The following CNBD2 variants were observed in gnomAD, a reference collection of about 807,000 sequenced individuals.
CNBD2 encodes cyclic nucleotide-binding domain-containing protein 2.
In CNBD2, 64 loss-of-function variants were observed where a neutral mutation model predicts 63.7. The observed-to-expected ratio is 1.00, with a 90% confidence interval of 0.82 to 1.24. The LOEUF (loss-of-function observed/expected upper bound fraction) is 1.24. Ranked by LOEUF, CNBD2 falls within the 50% of genes most tolerant of loss-of-function variation. CNBD2 has a pLI of 0.00. For missense variants in CNBD2, 691 were observed against 713.5 expected (o/e 0.97, Z 0.36); for synonymous variants, 229 against 255.4 (o/e 0.90, Z 0.99).
In CNBD2 at chr20:35,980,668, G is replaced by C. The variant is rs749629436; in HGVS notation, c.407+46G>C. ...TTGGCCACCAGGCTGAGGCTGGACT[G>C]AGCAAAAGAGCCTGGCTGAGAAGGT... On this transcript the variant is annotated intron_variant, in intron 4 of 11. Coordinates refer to ENST00000373973, the MANE Select transcript of CNBD2 (RefSeq NM_001365709.1). The C allele has an allele frequency of 7.6e-6, 12 of 1,580,686 alleles. No homozygotes were observed. In the East Asian group the frequency reaches 2.7e-4, roughly 35 times the overall value.
intron 8 of CNBD2, among the ~76,000 whole-genome samples, chr20:35,996,592 C>T (rs894374900): frequency 4.0e-5 from 6 of 151,162 alleles, no homozygotes; most frequent in Middle Eastern, 3.4e-3. Context: ...ACTGCAACCT[C>T]TGCCTCCCAG....
Position 36,011,126 on chromosome 20 carries a change from T to C in CNBD2, c.1149-11T>C. 3 of 1,524,010 alleles carry C rather than the reference T, an allele frequency of 2.0e-6. No homozygotes were observed. The highest frequency in any genetic ancestry group is 2.7e-6 in the Non-Finnish European group (3 of 1,131,350). 94.4% of individuals were successfully genotyped at this position (1,524,010 alleles called of 1,614,324 possible). On this transcript the variant is annotated splice_polypyrimidine_tract_variant and intron_variant, in intron 9 of 11. Transcript: ENST00000373973. ...TACAGATGAGCTCTCTAACAAGCTGTCACATTTCAGATCCAGGCCTGCTCA... is the reference window on the plus strand; with the variant it reads ...TACAGATGAGCTCTCTAACAAGCTGCCACATTTCAGATCCAGGCCTGCTCA...
Position 35,968,703 on chromosome 20 carries a change from T to C in CNBD2, c.-60T>C. 1.4e-6 allele frequency: 2 copies of C among 1,403,896 alleles called. No homozygotes were observed. Among genetic ancestry groups the C allele is most frequent in the East Asian group, 4.7e-5 (2 of 42,886 alleles). The allele number at this position is 1,403,896 out of a possible 1,614,324, so 87.0% of individuals were successfully genotyped here. ...TATTACTGGATTTTTGGGGAAAAAT[T>C]TGTAGTCCTCCCCTTGAAAGGCAAA... On this transcript the variant is annotated 5_prime_UTR_variant, in exon 1 of 12. Coordinates refer to ENST00000373973, the MANE Select transcript of CNBD2 (RefSeq NM_001365709.1).
At chr20:36,017,473 G>A (rs549864631) in intron 10 of CNBD2, among the ~76,000 whole-genome samples, 1 of 152,130 alleles carries the variant, frequency 6.6e-6, no homozygotes, top group Non-Finnish European at 1.5e-5. Context: ...AGTACTGTCT[G>A]GGAGGTCCAG....
chr20:35,986,433 T>C (rs2056668494), intron 6 of CNBD2, among the ~76,000 whole-genome samples: 1 of 152,170 alleles, frequency 6.6e-6, no homozygotes, highest in Non-Finnish European at 1.5e-5. Context: ...CTCTGTGTTT[T>C]AGCCTCCTGC....
At chr20:35,978,265 T>TCAA (rs1450954193) in intron 3 of CNBD2, among the ~76,000 whole-genome samples, 1 of 151,874 alleles carries the variant, frequency 6.6e-6, no homozygotes, top group East Asian at 1.9e-4. Flanking sequence ...AACCTCAACC[T>TCAA]CCTTGGGCTC....
chr20:35,979,649 G>T (rs1186459021), intron 3 of CNBD2, among the ~76,000 whole-genome samples: 2 of 152,208 alleles, frequency 1.3e-5, no homozygotes, highest in African/African-American at 4.8e-5. Context: ...ACTGGGGAAG[G>T]GGCTACTCTT....
At chr20:36,027,914 C>A (rs2057300563) in intron 11 of CNBD2, among the ~76,000 whole-genome samples, 1 of 152,162 alleles carries the variant, frequency 6.6e-6, no homozygotes, top group Admixed American at 6.5e-5. Context: ...GATCCGCCCA[C>A]CTCGGCCTCC....
intron 7 of CNBD2, 29 bp from the exon 8 acceptor site, chr20:35,995,009 C>T: frequency 2.0e-6 from 3 of 1,529,844 alleles, no homozygotes; most frequent in Non-Finnish European, 2.7e-6. Flanking sequence ...AGGGGTTAAC[C>T]CTTTTCCTAT....
At chr20:35,954,491 T>C (rs1479063413), upstream of CNBD2, 4 of 1,542,476 alleles carry the variant, frequency 2.6e-6, no homozygotes, top group African/African-American at 4.1e-5. Flanking sequence ...CGAAAGTCTC[T>C]GGCTTCTCTG....
Position 36,023,620 on chromosome 20 carries a change from C to G in CNBD2, c.1288C>G (p.Leu430Val). The G allele has an allele frequency of 6.2e-7, 1 of 1,602,632 alleles. No individual in the cohort carries two copies. Among genetic ancestry groups the G allele is most frequent in the Non-Finnish European group, 8.5e-7 (1 of 1,174,974 alleles). Residue 430 changes from leucine (L) to valine (V), a missense_variant, in exon 11 of 12, where the codon CTT becomes GTT. By Grantham distance (32) the Leu-to-Val change is conservative. Transcript: ENST00000373973. ...TCCCGAGGGTCTTCACCAGGCCTTCCTTCCAGAGGGTGAATGCGACACACG... is the reference window on the plus strand; with the variant it reads ...TCCCGAGGGTCTTCACCAGGCCTTCGTTCCAGAGGGTGAATGCGACACACG... The part of the protein sequence containing the change: ...GEILGLHQAF[L>V]PEGECDTRPL...
chr20:35,984,105 C>A lies in CNBD2; in HGVS notation c.531C>A (p.His177Gln), dbSNP rs1392246412. 1 of 1,612,074 alleles carries A rather than the reference C, an allele frequency of 6.2e-7. No individual in the cohort carries two copies. The highest frequency in any genetic ancestry group is 8.5e-7 in the Non-Finnish European group (1 of 1,178,902). The part of the protein sequence containing the change: ...EDGSSAFLDP[H>Q]PKLLHKGSCF... ...GCAGCAGTGCCTTCCTAGATCCCCA[C>A]CCGAAATTGCTGCACAAGGGTAGCT... Residue 177 changes from histidine (H) to glutamine (Q), a missense_variant, in exon 5 of 12, where the codon CAC becomes CAA. By Grantham distance (24) the His-to-Gln change is conservative (BLOSUM62 0). Transcript: ENST00000373973.
chr20:36,002,230 A>G (rs2056922516), intron 8 of CNBD2, among the ~76,000 whole-genome samples: 1 of 152,200 alleles, frequency 6.6e-6, no homozygotes, highest in Admixed American at 6.5e-5. Context: ...CCCCGTCTCC[A>G]CCAAAAAAAT....
At chr20:36,024,013 C>T (rs890002328) in intron 11 of CNBD2, among the ~76,000 whole-genome samples, 2 of 152,100 alleles carry the variant, frequency 1.3e-5, no homozygotes, top group African/African-American at 2.4e-5. Flanking sequence ...TTTATAGAGC[C>T]GAAATATGGA....
At chr20:36,016,788 CAAAA>C (rs534778243) in intron 10 of CNBD2, among the ~76,000 whole-genome samples, 3 of 62,844 alleles carry the variant, frequency 4.8e-5, no homozygotes, top group Admixed American at 1.8e-4. Flanking sequence ...GACTCTGTCT[CAAAA>C]AAAAAAAAAA....
At chr20:35,976,482 C>T (rs1249784668) in intron 3 of CNBD2, among the ~76,000 whole-genome samples, 4 of 152,148 alleles carry the variant, frequency 2.6e-5, no homozygotes, top group Non-Finnish European at 4.4e-5. Flanking sequence ...TGTTGACACT[C>T]GGAAGGCTGA....
intron 9 of CNBD2, among the ~76,000 whole-genome samples, chr20:36,010,761 CAAAGAAAAA>C (rs2057047462): frequency 1.5e-5 from 2 of 137,844 alleles, no homozygotes; most frequent in African/African-American, 2.9e-5. Context: ...GACTCCGTCT[CAAAGAAAAA>C]AAAGAAAAAA....
chr20:35,972,513 C>T, intron 1 of CNBD2, 116 bp from the exon 2 acceptor site: 1 of 973,090 alleles, frequency 1.0e-6, no homozygotes, highest in Non-Finnish European at 1.6e-6. Flanking sequence ...CAGCACACTA[C>T]AGCACACTAC....
intron 6 of CNBD2, among the ~76,000 whole-genome samples, chr20:35,985,142 A>T (rs576781384): frequency 5.9e-5 from 9 of 151,900 alleles, no homozygotes; most frequent in South Asian, 2.1e-4. Context: ...ATAAAAAATT[A>T]AAAAAAATTA....
Sources: gnomAD v4.1 joint callset for allele counts (sites outside exome capture counted in the v4.1 genomes callset) on GRCh38, gnomAD v4.1.1 for gene constraint, MANE v1.5 for transcripts, NCBI Gene and HGNC (gene_info 2026-07-23, HGNC 2026-07-21) for gene names.